ABTB3: variants seen among roughly 807,000 people sequenced by gnomAD.
The protein encoded by ABTB3 is ankyrin repeat and BTB domain containing 3, also known as ankyrin repeat- and BTB/POZ domain-containing protein 3.
the ABTB3 span, among the ~76,000 whole-genome samples, chr12:107,551,886 G>A: frequency 6.6e-6 from 1 of 152,048 alleles, no homozygotes. Flanking sequence ...CCGAGTAGCT[G>A]GGATTACAGG....
the ABTB3 span, among the ~76,000 whole-genome samples, chr12:107,560,425 T>C: frequency 1.3e-5 from 2 of 152,070 alleles, no homozygotes; most frequent in Admixed American, 1.3e-4. Context: ...CAGCTGTTGC[T>C]TTTTTTCCAG....
the ABTB3 span, among the ~76,000 whole-genome samples, chr12:107,385,914 G>A: frequency 6.6e-6 from 1 of 152,290 alleles, no homozygotes; most frequent in East Asian, 1.9e-4. Flanking sequence ...CAGCAGGCCT[G>A]GGAAAGGGAA....
the ABTB3 span, among the ~76,000 whole-genome samples, chr12:107,470,742 G>T: frequency 3.9e-5 from 6 of 152,338 alleles, no homozygotes; most frequent in Middle Eastern, 3.4e-3. Context: ...GCTCTGGCTG[G>T]CTGGGCCTCA....
the ABTB3 span, among the ~76,000 whole-genome samples, chr12:107,572,917 T>A: frequency 6.6e-6 from 1 of 152,222 alleles, no homozygotes; most frequent in Admixed American, 6.5e-5. Context: ...TTTCTTAGGA[T>A]GTGCAGCTGG....
At chr12:107,360,364 G>T in the ABTB3 span, among the ~76,000 whole-genome samples, 1 of 152,130 alleles carries the variant, frequency 6.6e-6, no homozygotes, top group Non-Finnish European at 1.5e-5. Context: ...CAAGAGTTTT[G>T]CTGGATTGGA....
chr12:107,610,398 T>G, the ABTB3 span: 1 of 1,605,296 alleles, frequency 6.2e-7, no homozygotes, highest in South Asian at 1.1e-5. Flanking sequence ...ACCTCCTCCA[T>G]GTGCATCACC....
chr12:107,650,949 T>G, the ABTB3 span: 1 of 152,220 alleles, frequency 6.6e-6, no homozygotes, highest in East Asian at 1.9e-4. Flanking sequence ...ATTTAAATCA[T>G]TTCAATCATA....
At chr12:107,446,080 G>C in the ABTB3 span, among the ~76,000 whole-genome samples, 2 of 152,046 alleles carry the variant, frequency 1.3e-5, no homozygotes, top group Non-Finnish European at 2.9e-5. Flanking sequence ...ACAGGCTCTG[G>C]GAATTCGAGT....
At chr12:107,443,410 G>A in the ABTB3 span, among the ~76,000 whole-genome samples, 1 of 151,988 alleles carries the variant, frequency 6.6e-6, no homozygotes, top group Non-Finnish European at 1.5e-5. Flanking sequence ...AGGCGACCTT[G>A]GTAGCACATG....
chr12:107,403,087 C>A, the ABTB3 span, among the ~76,000 whole-genome samples: 1 of 152,174 alleles, frequency 6.6e-6, no homozygotes, highest in Non-Finnish European at 1.5e-5. Flanking sequence ...GTCATTCATT[C>A]CGATTGTGTG....
chr12:107,367,090 C>T, the ABTB3 span, among the ~76,000 whole-genome samples: 17 of 152,234 alleles, frequency 1.1e-4, no homozygotes, highest in African/African-American at 4.1e-4. Flanking sequence ...ACAGTTGGTA[C>T]AGTCCGGTTC....
the ABTB3 span, chr12:107,651,567 T>A: frequency 6.1e-6 from 4 of 655,236 alleles, no homozygotes; most frequent in Admixed American, 2.3e-5. Flanking sequence ...CCTGTGACAC[T>A]GCTGTGGAAG....
the ABTB3 span, among the ~76,000 whole-genome samples, chr12:107,527,278 C>CTT: frequency 0.013 from 1,927 of 150,162 alleles, 41 homozygotes; most frequent in African/African-American, 0.043. Context: ...AGAGTTGAAA[C>CTT]TTTTTTTTTT....
At chr12:107,436,316 T>C in the ABTB3 span, among the ~76,000 whole-genome samples, 91 of 152,334 alleles carry the variant, frequency 6.0e-4, no homozygotes, top group African/African-American at 2.0e-3. Context: ...GGTCTCTGTG[T>C]TCCTTCTGGG....
the ABTB3 span, among the ~76,000 whole-genome samples, chr12:107,626,343 C>CTTTTTTTTTTTTTT: frequency 2.1e-4 from 24 of 112,528 alleles, 2 homozygotes; most frequent in African/African-American, 8.5e-4. Flanking sequence ...CTATCGTCAT[C>CTTTTTTTTTTTTTT]TTTTTTTTTT....
At chr12:107,361,504 G>A in the ABTB3 span, among the ~76,000 whole-genome samples, 5 of 152,124 alleles carry the variant, frequency 3.3e-5, no homozygotes, top group African/African-American at 1.2e-4. Context: ...ACTCTGCAAC[G>A]TAACTTTTCG....
the ABTB3 span, among the ~76,000 whole-genome samples, chr12:107,321,110 C>T: frequency 6.6e-6 from 1 of 152,216 alleles, no homozygotes; most frequent in African/African-American, 2.4e-5. Context: ...AGAAACGTAA[C>T]TGGAGACTCT....
At chr12:107,339,553 G>A in the ABTB3 span, among the ~76,000 whole-genome samples, 4 of 152,130 alleles carry the variant, frequency 2.6e-5, no homozygotes, top group Non-Finnish European at 4.4e-5. Context: ...AGGAGAAGTG[G>A]GAGGTTATTG....
chr12:107,622,512 C>G, the ABTB3 span, among the ~76,000 whole-genome samples: 6 of 152,080 alleles, frequency 3.9e-5, no homozygotes, highest in African/African-American at 1.2e-4. Context: ...AACAAGGTCT[C>G]GCTCTGTCGC....
Sources: gnomAD v4.1 joint callset for allele counts (sites outside exome capture counted in the v4.1 genomes callset) on GRCh38, gnomAD v4.1.1 for gene constraint, MANE v1.5 for transcripts, NCBI Gene and HGNC (gene_info 2026-07-23, HGNC 2026-07-21) for gene names.